KIF26A: variants seen among roughly 807,000 people sequenced by gnomAD.
The protein encoded by KIF26A is kinesin-like protein KIF26A.
In KIF26A, 74 loss-of-function variants were observed where a neutral mutation model predicts 126.0. That is an observed-to-expected ratio of 0.59 (90% CI 0.49 to 0.71). KIF26A has a LOEUF of 0.71. KIF26A is among the 30% of genes least tolerant of loss of function. KIF26A has a pLI of 0.00. For missense variants in KIF26A, 2,984 were observed against 2,763.3 expected, an observed-to-expected ratio of 1.08 and a Z score of -1.79; for synonymous variants, 1,445 against 1,232.7, an observed-to-expected ratio of 1.17 and a Z score of -3.61.
chr14:104,162,860 C>T (rs1402795014), intron 4 of KIF26A, among the ~76,000 whole-genome samples: 2 of 152,196 alleles, frequency 1.3e-5, no homozygotes, highest in African/African-American at 4.8e-5. Context: ...CCGTCCTCAG[C>T]CCTGCCTGTC....
chr14:104,170,717 C>T (rs927779920), intron 5 of KIF26A, among the ~76,000 whole-genome samples: 3 of 152,244 alleles, frequency 2.0e-5, no homozygotes, highest in Admixed American at 1.3e-4. Context: ...CCGCCGCCTC[C>T]TGGCATCGAC....
intron 2 of KIF26A, among the ~76,000 whole-genome samples, chr14:104,147,800 C>G (rs904501648): frequency 6.6e-6 from 1 of 152,216 alleles, no homozygotes; most frequent in African/African-American, 2.4e-5. Context: ...AGGTCATGGC[C>G]CATGGGGTCC....
chr14:104,143,491 CT>C (rs1176561341), intron 2 of KIF26A, among the ~76,000 whole-genome samples: 1 of 152,212 alleles, frequency 6.6e-6, no homozygotes, highest in East Asian at 1.9e-4. Flanking sequence ...CTCCTGCCAG[CT>C]TTTCGTTCCT....
rs909484015 is a variant in KIF26A, at chr14:104,152,819, G to A, written c.735+358G>A. 2.0e-4 allele frequency among the ~76,000 whole-genome samples: 30 copies of A among 151,828 alleles called. No individual in the cohort carries two copies. The highest frequency in any genetic ancestry group is 7.3e-4 in the African/African-American group (30 of 41,362). On this transcript the variant is annotated intron_variant, in intron 3 of 14. Transcript: ENST00000423312. The surrounding 1 kb of genome is among the most constrained non-coding windows in gnomAD (Gnocchi z 5.9). Reference sequence around the variant, plus strand: ...GCTCACGAGGCAGATGGAGTAGGAGGGCCCTTGTGGCAGAGCGAGGGCCTG... The same window carrying A: ...GCTCACGAGGCAGATGGAGTAGGAGAGCCCTTGTGGCAGAGCGAGGGCCTG...
intron 4 of KIF26A, among the ~76,000 whole-genome samples, chr14:104,159,069 C>T (rs992940599): frequency 3.3e-5 from 5 of 152,216 alleles, no homozygotes; most frequent in African/African-American, 4.8e-5. Flanking sequence ...AGGGCATTGT[C>T]GCACGCCGTG....
chr14:104,159,668 C>T (rs967995959), intron 4 of KIF26A, among the ~76,000 whole-genome samples: 10 of 152,338 alleles, frequency 6.6e-5, no homozygotes, highest in East Asian at 3.9e-4. Flanking sequence ...AAGGCGGGGG[C>T]GCTGCCGGCT....
chr14:104,178,919 G>A (rs775765770), intron 13 of KIF26A, among the ~76,000 whole-genome samples, 164 bp downstream of exon 13: 2 of 152,130 alleles, frequency 1.3e-5, no homozygotes, highest in Non-Finnish European at 2.9e-5. Context: ...AGGTAGGAGC[G>A]GCCCTGCCCA....
chr14:104,162,202 C>G (rs983584831), intron 4 of KIF26A, among the ~76,000 whole-genome samples: 1 of 152,204 alleles, frequency 6.6e-6, no homozygotes, highest in African/African-American at 2.4e-5. Context: ...GAGGGCCCAG[C>G]AGGCTGGGGT....
chr14:104,151,499 G>C lies in KIF26A; in HGVS notation c.289-516G>C, dbSNP rs2037729014. Reference sequence around the variant, plus strand: ...GTCTCCGAGGGAGGCCTTCGCTTCTGTTGACACCTTTACAGCAGCACTGAT... The same window carrying C: ...GTCTCCGAGGGAGGCCTTCGCTTCTCTTGACACCTTTACAGCAGCACTGAT... On this transcript the variant is annotated intron_variant, in intron 2 of 14. Transcript: ENST00000423312. This position sits in a 1 kb window ranked among gnomAD's most constrained non-coding sequence, Gnocchi z 4.9. Among the ~76,000 whole-genome samples the C allele has an allele frequency of 6.6e-6, 1 of 152,206 alleles. No individual in the cohort carries two copies. The highest frequency in any genetic ancestry group is 2.1e-4 in the South Asian group (1 of 4,824).
chr14:104,145,738 A>G (rs1461614199), intron 2 of KIF26A, among the ~76,000 whole-genome samples: 5 of 152,066 alleles, frequency 3.3e-5, no homozygotes, highest in Non-Finnish European at 5.9e-5. Context: ...TCTGCCCTCA[A>G]AACCCTCACC....
rs561971086 is a variant in KIF26A at position 104,173,785 on chromosome 14, T to C, written c.1947T>C (p.Ala649=). The change falls in exon 10 of 15, where the codon GCT becomes GCC. Residue 649 remains alanine (A), a synonymous_variant. Coordinates refer to ENST00000423312, the MANE Select transcript of KIF26A (RefSeq NM_015656.2). ...EAAAGRAGEA[A]GGPLCLSLSA... The stretch of plus-strand genomic sequence containing the variant: ...CGGCTGGCAGGGCCGGGGAGGCTGC[T>C]GGGGGTCCCCTGTGTCTGTCCCTGT... 3.1e-6 allele frequency: 5 copies of C among 1,607,350 alleles called. No individual in the cohort carries two copies. The African/African-American group carries it at 6.7e-5, about 21-fold the overall frequency.
chr14:104,149,059 T>C (rs923420437), intron 2 of KIF26A, among the ~76,000 whole-genome samples: 1 of 152,180 alleles, frequency 6.6e-6, no homozygotes, highest in African/African-American at 2.4e-5. Context: ...GCCCCTATGC[T>C]GTGCCAGCCT....
chr14:104,152,111 G>T lies in KIF26A; in HGVS notation c.385G>T (p.Ala129Ser), dbSNP rs376020927. Residue 129 changes from alanine to serine, a missense_variant, in exon 3 of 15, where the codon GCC (alanine) becomes TCC (serine). Physicochemically the swap from Ala to Ser is moderately conservative, Grantham distance 99 (BLOSUM62 1). Coordinates refer to ENST00000423312, the MANE Select transcript of KIF26A (RefSeq NM_015656.2). This position sits in a 1 kb window ranked among gnomAD's most constrained non-coding sequence, Gnocchi z 5.9. ...GGCCGAGCGCCGCTGTGACGTCTGC[G>T]CCACACACCTGCAGCAGCTCACACG... The part of the protein sequence containing the change: ...PEAERRCDVC[A>S]THLQQLTREA... 9 of 1,612,276 alleles carry T rather than the reference G, an allele frequency of 5.6e-6. No homozygotes were observed. The highest frequency in any genetic ancestry group is 7.6e-6 in the Non-Finnish European group (9 of 1,179,766).
chr14:104,166,115 G>A (rs903374403), intron 4 of KIF26A, among the ~76,000 whole-genome samples: 3 of 152,022 alleles, frequency 2.0e-5, no homozygotes, highest in South Asian at 2.1e-4. Flanking sequence ...GGAGGCGCTC[G>A]CCCTGGCTGA....
At position 104,173,408 on chromosome 14, in the gene KIF26A, A is replaced by G. The variant is rs1462704102; in HGVS notation, c.1762A>G (p.Ser588Gly). ...CCTGGATGCGGCCCTGGCGGCCCGCAGCACCAGCCGAGCGGGCTGTGGCGA... is the reference window on the plus strand; with the variant it reads ...CCTGGATGCGGCCCTGGCGGCCCGCGGCACCAGCCGAGCGGGCTGTGGCGA... ...FYLDAALAARSTSRAGCGEDA... is the reference protein window; with the variant it reads ...FYLDAALAARGTSRAGCGEDA... Residue 588 changes from serine (S) to glycine (G), a missense_variant, in exon 9 of 15, where the codon AGC (serine) becomes GGC (glycine). Ser to Gly is a moderately conservative substitution (Grantham distance 56). Coordinates refer to ENST00000423312, the MANE Select transcript of KIF26A (RefSeq NM_015656.2). 3 of 1,583,456 alleles carry G rather than the reference A, an allele frequency of 1.9e-6. No homozygotes were observed. Among genetic ancestry groups the G allele is most frequent in the East Asian group, 2.3e-5 (1 of 42,910 alleles).
chr14:104,157,648 G>A, intron 3 of KIF26A, 107 bp from the exon 4 acceptor site: 6 of 1,227,374 alleles, frequency 4.9e-6, no homozygotes, highest in Admixed American at 2.6e-5. Flanking sequence ...CCCCAGGAAT[G>A]TGCTGGGCTC....
chr14:104,176,942 T>G lies in KIF26A; in HGVS notation c.4154T>G (p.Val1385Gly). The G allele has an allele frequency of 6.5e-7, 1 of 1,535,572 alleles. No homozygotes were observed. The highest frequency in any genetic ancestry group is 8.7e-7 in the Non-Finnish European group (1 of 1,145,722). The change falls in exon 12 of 15, where the codon GTG (valine) becomes GGG (glycine). Residue 1385 changes from valine to glycine, a missense_variant. Transcript: ENST00000423312. ...CCGGCCTCGGCCCCTCCGCATGCTG[T>G]GAACCCGGCGCGGGTCGGGGCTGCT... is the stretch of plus-strand genomic sequence containing the variant. ...SSPASAPPHA[V>G]NPARVGAAAV... is the part of the protein sequence containing the mutation.
chr14:104,171,584 G>A (rs1402925240), intron 5 of KIF26A, 139 bp from the exon 6 acceptor site: 1 of 687,520 alleles, frequency 1.5e-6, no homozygotes, highest in Non-Finnish European at 2.5e-6. Context: ...GCAGGGGCGC[G>A]GTGTCCACAT....
intron 5 of KIF26A, among the ~76,000 whole-genome samples, chr14:104,170,390 G>C (rs1236051512): frequency 6.6e-6 from 1 of 152,232 alleles, no homozygotes; most frequent in Non-Finnish European, 1.5e-5. Flanking sequence ...CCGGAGAGCG[G>C]GCACTCCCGA....
Sources: allele counts gnomAD v4.1 joint callset (sites outside exome capture counted in the v4.1 genomes callset), GRCh38; gene constraint gnomAD v4.1.1; non-coding constraint Gnocchi (gnomAD v3.1); transcripts MANE v1.5; gene names NCBI Gene and HGNC (gene_info 2026-07-23, HGNC 2026-07-21).